The following CPQ variants were observed in gnomAD, a reference collection of about 807,000 sequenced individuals.
CPQ encodes the protein carboxypeptidase Q.
In CPQ, 37 loss-of-function variants were observed where a neutral mutation model predicts 45.7. That is an observed-to-expected ratio of 0.81 (90% CI 0.62 to 1.07). CPQ has a LOEUF of 1.07. Ranked by LOEUF, CPQ falls within the 50% of genes least tolerant of loss-of-function variation. CPQ has a pLI of 0.00. For synonymous variants in CPQ, 186 were observed against 205.8 expected (o/e 0.90, Z 0.82); for missense variants, 537 against 572.9 (o/e 0.94, Z 0.64).
At chr8:96,930,374 A>T (rs892889914) in intron 4 of CPQ, among the ~76,000 whole-genome samples, 2 of 152,228 alleles carry the variant, frequency 1.3e-5, no homozygotes, top group African/African-American at 4.8e-5. Context: ...TAGAGCATTT[A>T]TCTCACTTGG....
chr8:96,994,947 T>G (rs533666179), intron 5 of CPQ, among the ~76,000 whole-genome samples: 1 of 152,180 alleles, frequency 6.6e-6, no homozygotes, highest in African/African-American at 2.4e-5. Context: ...TTCATGAAAC[T>G]TAGAGTCGAA....
At chr8:96,928,994 A>G (rs1812932850) in intron 4 of CPQ, among the ~76,000 whole-genome samples, 1 of 152,220 alleles carries the variant, frequency 6.6e-6, no homozygotes, top group Admixed American at 6.5e-5. Context: ...TATTTAAAAA[A>G]TTATAATTTA....
rs529029481 is a variant in CPQ, at chr8:96,802,071, C to T, written c.433+16741C>T. Among the ~76,000 whole-genome samples, 6 of 152,008 alleles carry T rather than the reference C, an allele frequency of 3.9e-5. No individual in the cohort carries two copies. In the South Asian group the frequency reaches 6.2e-4, roughly 16 times the overall value. On this transcript the variant is annotated intron_variant, in intron 2 of 7. Transcript: ENST00000220763. ...TTTTTCTATATCTCTCTACTAATCA[C>T]CTCTTTCTTTCTCTTTATCTCCCTC...
chr8:96,940,875 C>T (rs370631554), intron 4 of CPQ, among the ~76,000 whole-genome samples: 15 of 152,042 alleles, frequency 9.9e-5, no homozygotes, highest in African/African-American at 3.1e-4. Context: ...AGACATTAAA[C>T]GTTCTATCAA....
intron 1 of CPQ, among the ~76,000 whole-genome samples, chr8:96,655,885 G>A (rs1337866471): frequency 2.0e-5 from 3 of 152,140 alleles, no homozygotes; most frequent in Non-Finnish European, 4.4e-5. Flanking sequence ...CTGCACATTT[G>A]AAGAGACAGC....
rs1408888598 is a variant in CPQ, at chr8:97,125,439, T to C, written c.1256-17581T>C. Among the ~76,000 whole-genome samples, 3 of 152,166 alleles carry C rather than the reference T, an allele frequency of 2.0e-5. No individual in the cohort carries two copies. In the East Asian group the frequency reaches 5.8e-4, roughly 29 times the overall value. ...AAAACCAAAGATATGGTAAGAAAACTATAGACCAATATCCTTCATAAATAT... is the reference window on the plus strand; with the variant it reads ...AAAACCAAAGATATGGTAAGAAAACCATAGACCAATATCCTTCATAAATAT... On this transcript the variant is annotated intron_variant, in intron 7 of 7. Coordinates refer to ENST00000220763, the MANE Select transcript of CPQ (RefSeq NM_016134.4).
At chr8:96,970,522 T>A (rs1415402022) in intron 5 of CPQ, among the ~76,000 whole-genome samples, 2 of 151,440 alleles carry the variant, frequency 1.3e-5, no homozygotes, top group African/African-American at 4.8e-5. Flanking sequence ...AGCTATTATG[T>A]GAAAAATTTA....
intron 6 of CPQ, among the ~76,000 whole-genome samples, chr8:97,064,644 T>C (rs1012689979): frequency 1.3e-5 from 2 of 152,174 alleles, no homozygotes; most frequent in Non-Finnish European, 2.9e-5. Context: ...GCCGGCAACA[T>C]CTTTCTTTAG....
chr8:96,783,679 C>T (rs927310548), intron 1 of CPQ, among the ~76,000 whole-genome samples: 5 of 152,102 alleles, frequency 3.3e-5, no homozygotes, highest in African/African-American at 7.2e-5. Context: ...TCCAATAGAA[C>T]TTTCTGTCAT....
chr8:96,976,484 GA>G, intron 5 of CPQ, among the ~76,000 whole-genome samples: 1 of 151,838 alleles, frequency 6.6e-6, no homozygotes, highest in South Asian at 2.1e-4. Context: ...CATTCTTCAA[GA>G]AGTAGAAAAA....
chr8:96,954,579 T>C (rs911600538), intron 4 of CPQ, among the ~76,000 whole-genome samples: 1 of 152,082 alleles, frequency 6.6e-6, no homozygotes, highest in African/African-American at 2.4e-5. Flanking sequence ...AAAAATTACC[T>C]TGTCTTTCTG....
chr8:96,872,116 A>G (rs978390235), intron 3 of CPQ, among the ~76,000 whole-genome samples: 5 of 151,898 alleles, frequency 3.3e-5, no homozygotes, highest in African/African-American at 1.2e-4. Context: ...TTGGATTTTG[A>G]ATTTTTTCAG....
intron 2 of CPQ, among the ~76,000 whole-genome samples, chr8:96,831,780 C>T (rs190595684): frequency 1.1e-4 from 17 of 152,192 alleles, no homozygotes; most frequent in African/African-American, 3.9e-4. Flanking sequence ...ACAAGTCCCT[C>T]AGGGCCAGAA....
At chr8:96,922,999 TAGG>T (rs951882513) in intron 4 of CPQ, among the ~76,000 whole-genome samples, 5 of 152,112 alleles carry the variant, frequency 3.3e-5, no homozygotes, top group Non-Finnish European at 7.4e-5. Context: ...ATCAAAGTAA[TAGG>T]AGGACTATGC....
intron 4 of CPQ, among the ~76,000 whole-genome samples, chr8:96,905,011 C>G (rs541409115): frequency 6.6e-6 from 1 of 152,218 alleles, no homozygotes; most frequent in East Asian, 1.9e-4. Context: ...CATTTTCACT[C>G]TGCTATAAAG....
chr8:97,062,886 T>C (rs944763051), intron 6 of CPQ, among the ~76,000 whole-genome samples: 2 of 152,216 alleles, frequency 1.3e-5, no homozygotes, highest in African/African-American at 4.8e-5. Flanking sequence ...GATGAGCATT[T>C]AGGTTGATTC....
chr8:97,132,655 A>C (rs1267011289), intron 7 of CPQ, among the ~76,000 whole-genome samples: 2 of 152,088 alleles, frequency 1.3e-5, no homozygotes, highest in Non-Finnish European at 2.9e-5. Context: ...TTCATTATAA[A>C]CTCTACACTG....
intron 4 of CPQ, among the ~76,000 whole-genome samples, chr8:96,889,427 A>T (rs547467890): frequency 1.1e-3 from 169 of 152,328 alleles, no homozygotes; most frequent in African/African-American, 3.8e-3. Flanking sequence ...AGGAGAATTC[A>T]TCCATTAATT....
intron 7 of CPQ, among the ~76,000 whole-genome samples, chr8:97,085,225 A>C (rs1366313461): frequency 2.0e-5 from 3 of 152,022 alleles, no homozygotes; most frequent in Non-Finnish European, 4.4e-5. Context: ...CTCTACATAA[A>C]ATTTAAAAAT....
Sources: gnomAD v4.1 joint callset for allele counts (sites outside exome capture counted in the v4.1 genomes callset) on GRCh38, gnomAD v4.1.1 for gene constraint, MANE v1.5 for transcripts, NCBI Gene and HGNC (gene_info 2026-07-23, HGNC 2026-07-21) for gene names.